The following RGS20 variants were observed in gnomAD, a reference collection of about 807,000 sequenced individuals.
The protein encoded by RGS20 is gz-selective GTPase-activating protein.
RGS20 carries 30 observed loss-of-function variants against 33.6 expected under a neutral mutation model. The ratio of observed to expected loss-of-function variants is 0.89; its 90% CI spans 0.67 to 1.21. RGS20 has a LOEUF of 1.21. Ranked by LOEUF, RGS20 falls within the 50% of genes most tolerant of loss-of-function variation. The pLI is 0.00. For synonymous variants in RGS20, 208 were observed against 197.9 expected (o/e 1.05, Z -0.43); for missense variants, 472 against 502.4 (o/e 0.94, Z 0.58).
intron 2 of RGS20, among the ~76,000 whole-genome samples, chr8:53,927,902 C>T (rs1039546055): frequency 1.3e-5 from 2 of 152,164 alleles, no homozygotes; most frequent in Admixed American, 1.3e-4. Context: ...CATATTTTTA[C>T]AATCTTGTAA....
At chr8:53,887,873 G>A (rs1339816650) in intron 2 of RGS20, among the ~76,000 whole-genome samples, 2 of 151,982 alleles carry the variant, frequency 1.3e-5, no homozygotes, top group African/African-American at 4.8e-5. Flanking sequence ...AGCTACTTGG[G>A]AGGCTGAGGC....
intron 4 of RGS20, among the ~76,000 whole-genome samples, chr8:53,952,009 TA>T (rs1288729706): frequency 6.6e-6 from 1 of 151,028 alleles, no homozygotes; most frequent in Non-Finnish European, 1.5e-5. Flanking sequence ...AGAGTAAGAC[TA>T]AAAAAACAGA....
intron 2 of RGS20, among the ~76,000 whole-genome samples, chr8:53,896,389 G>T (rs1170151027): frequency 6.6e-6 from 1 of 152,194 alleles, no homozygotes; most frequent in Non-Finnish European, 1.5e-5. Context: ...TTTGATGTTT[G>T]AGCTGCCTTT....
intron 2 of RGS20, 73 bp from the exon 1 acceptor site, chr8:53,880,799 C>A: frequency 1.5e-6 from 2 of 1,308,042 alleles, no homozygotes; most frequent in Non-Finnish European, 2.0e-6. Flanking sequence ...CGGTGGAGTG[C>A]GCCGCCGCTG....
chr8:53,949,714 C>CTCAA (rs953911471), intron 4 of RGS20, among the ~76,000 whole-genome samples: 5 of 151,378 alleles, frequency 3.3e-5, no homozygotes, highest in South Asian at 2.1e-4. Flanking sequence ...AAGACTCTGC[C>CTCAA]TCAATCAATC....
At chr8:53,881,264 G>A (rs1217606333) in intron 2 of RGS20, among the ~76,000 whole-genome samples, 180 bp downstream of exon 1, 1 of 151,826 alleles carries the variant, frequency 6.6e-6, no homozygotes, top group South Asian at 2.1e-4. Context: ...GCGAGTTTGG[G>A]GGAGTGGGGC....
In RGS20 at chr8:53,915,307, G is replaced by A. The variant is rs551388892; in HGVS notation, c.511-24269G>A. ...TTCCTCTCTGCTTTCTCTCCTTTCC[G>A]AGCTCTGCTGCCTTGGATGCAGCAC... On this transcript the variant is annotated intron_variant, in intron 2 of 5. Transcript: ENST00000297313. 3.3e-4 allele frequency among the ~76,000 whole-genome samples: 50 copies of A among 152,188 alleles called. No individual in the cohort carries two copies. The East Asian group carries it at 6.4e-3, about 19-fold the overall frequency.
chr8:53,888,455 G>C (rs898480828), intron 2 of RGS20, among the ~76,000 whole-genome samples: 1 of 152,102 alleles, frequency 6.6e-6, no homozygotes, highest in Non-Finnish European at 1.5e-5. Context: ...TTTAGATCAG[G>C]GTTTCTCACC....
At chr8:53,860,205 T>G (rs1041921520) in intron 1 of RGS20, among the ~76,000 whole-genome samples, 8 of 152,228 alleles carry the variant, frequency 5.3e-5, no homozygotes, top group Non-Finnish European at 1.5e-5. Flanking sequence ...TTAAACCATA[T>G]AGTGACAACT....
At chr8:53,929,526 G>C (rs950093136) in intron 2 of RGS20, among the ~76,000 whole-genome samples, 19 of 152,160 alleles carry the variant, frequency 1.2e-4, no homozygotes, top group African/African-American at 4.6e-4. Context: ...AAATTAGCTG[G>C]ACATGGTGGC....
chr8:53,880,282 C>G (rs1309781417), intron 2 of RGS20: 1 of 152,650 alleles, frequency 6.6e-6, no homozygotes, highest in Non-Finnish European at 1.5e-5. Flanking sequence ...GATCTGGAGT[C>G]AGGGGTTAGT....
chr8:53,904,849 A>G (rs1452749009), intron 2 of RGS20, among the ~76,000 whole-genome samples: 2 of 152,178 alleles, frequency 1.3e-5, no homozygotes, highest in African/African-American at 4.8e-5. Flanking sequence ...TACATAATTT[A>G]TTTATTTCCT....
intron 1 of RGS20, among the ~76,000 whole-genome samples, chr8:53,858,922 G>A (rs1811744860): frequency 6.6e-6 from 1 of 151,508 alleles, no homozygotes; most frequent in Non-Finnish European, 1.5e-5. Flanking sequence ...ACCGCGGGGG[G>A]TGGGGCAGAG....
chr8:53,947,279 CAT>C (rs995115937), intron 4 of RGS20, among the ~76,000 whole-genome samples: 3 of 138,388 alleles, frequency 2.2e-5, no homozygotes, highest in African/African-American at 8.0e-5. Context: ...TAAGATATAG[CAT>C]ATATATTTAT....
chr8:53,926,842 G>A (rs1473221449), intron 2 of RGS20, among the ~76,000 whole-genome samples: 1 of 151,858 alleles, frequency 6.6e-6, no homozygotes, highest in Non-Finnish European at 1.5e-5. Flanking sequence ...GAACCCAAGA[G>A]GCGGAGGTTA....
intron 2 of RGS20, among the ~76,000 whole-genome samples, chr8:53,921,806 G>T (rs1228473818): frequency 6.6e-6 from 1 of 151,984 alleles, no homozygotes; most frequent in African/African-American, 2.4e-5. Flanking sequence ...TTGGTTTCAT[G>T]AATTTTCTCT....
chr8:53,854,409 C>A (rs1286778584), intron 1 of RGS20, among the ~76,000 whole-genome samples: 1 of 151,686 alleles, frequency 6.6e-6, no homozygotes, highest in Non-Finnish European at 1.5e-5. Flanking sequence ...AGAATATGGG[C>A]AAAAGACATG....
intron 1 of RGS20, among the ~76,000 whole-genome samples, chr8:53,872,006 T>C (rs181484234): frequency 8.5e-5 from 13 of 152,310 alleles, no homozygotes; most frequent in Non-Finnish European, 1.6e-4. Context: ...GAATGACTCA[T>C]AGGCATCTCA....
chr8:53,921,439 T>G (rs1658759617), intron 2 of RGS20, among the ~76,000 whole-genome samples: 1 of 151,588 alleles, frequency 6.6e-6, no homozygotes, highest in Admixed American at 6.6e-5. Context: ...GAGCTGAGCT[T>G]TTCTTTTTTT....
Sources: allele counts gnomAD v4.1 joint callset (sites outside exome capture counted in the v4.1 genomes callset), GRCh38; gene constraint gnomAD v4.1.1; transcripts MANE v1.5; gene names NCBI Gene and HGNC (gene_info 2026-07-23, HGNC 2026-07-21).